Variants in ITPR1 observed in about 807,000 individuals in gnomAD.
The protein encoded by ITPR1 is inositol 1,4,5-trisphosphate-gated calcium channel ITPR1.
In ITPR1, 96 loss-of-function variants were observed where a neutral mutation model predicts 318.4. That is an observed-to-expected ratio of 0.30 (90% CI 0.26 to 0.36). The LOEUF (loss-of-function observed/expected upper bound fraction) is 0.36, where lower values mean the gene tolerates loss of function less well. Ranked by LOEUF, ITPR1 falls within the 10% of genes least tolerant of loss-of-function variation. ITPR1 has a pLI of 1.00. For missense variants in ITPR1, 2,440 were observed against 3,460.2 expected (o/e 0.71, Z 7.40); for synonymous variants, 1,312 against 1,289.9 (o/e 1.02, Z -0.37).
At chr3:4,843,069 G>C (rs1444619973) in intron 61 of ITPR1, among the ~76,000 whole-genome samples, 1 of 138,504 alleles carries the variant, frequency 7.2e-6, no homozygotes, top group Non-Finnish European at 1.5e-5. Flanking sequence ...TCAGGGTTTT[G>C]AGGGGTTTTT....
At chr3:4,651,809 G>T (rs149347290) in intron 10 of ITPR1, among the ~76,000 whole-genome samples, 2,711 of 152,306 alleles carry the variant, frequency 0.018, 28 homozygotes, top group Middle Eastern at 0.041. Flanking sequence ...CTTTTTATTG[G>T]CTGTGCTTTT....
chr3:4,649,868 GTTC>G (rs2093554665), intron 10 of ITPR1, among the ~76,000 whole-genome samples: 1 of 152,146 alleles, frequency 6.6e-6, no homozygotes, highest in Non-Finnish European at 1.5e-5. Flanking sequence ...TAAGGGCAGT[GTTC>G]TTATTCATCA....
At chr3:4,627,725 C>G (rs1295110565) in intron 4 of ITPR1, 38 bp from the exon 5 acceptor site, 3 of 1,313,106 alleles carry the variant, frequency 2.3e-6, no homozygotes, top group Non-Finnish European at 3.3e-6. Context: ...CTCTATACAC[C>G]CTCAATGGCA....
chr3:4,711,625 A>G (rs1178962039), intron 38 of ITPR1, 132 bp from the exon 39 acceptor site: 1 of 635,902 alleles, frequency 1.6e-6, no homozygotes, highest in Admixed American at 2.6e-5. Context: ...GAATGCCCTG[A>G]AGTATCTTTA....
At chr3:4,604,377 A>G (rs2091536921) in intron 4 of ITPR1, among the ~76,000 whole-genome samples, 1 of 152,118 alleles carries the variant, frequency 6.6e-6, no homozygotes, top group Non-Finnish European at 1.5e-5. Context: ...CAAGATGTAA[A>G]GCATGTCCCA....
Position 4,812,967 on chromosome 3 carries a change from C to T in ITPR1, c.7469-175C>T, listed in dbSNP as rs1481413681. 8.2e-6 allele frequency: 5 copies of T among 611,364 alleles called. No homozygotes were observed. In the African/African-American group the frequency reaches 9.2e-5, roughly 11 times the overall value. The allele number at this position is 611,364 out of a possible 1,614,324, so 37.9% of individuals were successfully genotyped here. A position where few individuals can be genotyped will look rare whatever the true frequency, so the allele number is the denominator to read the frequency against. ...GGAATTGACATTTTTGGCTTTTTTCCCATCCAGATCACCAAATGAAAGTGT... is the reference window on the plus strand; with the variant it reads ...GGAATTGACATTTTTGGCTTTTTTCTCATCCAGATCACCAAATGAAAGTGT... On this transcript the variant is annotated intron_variant, in intron 56 of 61. Transcript: ENST00000649015.
intron 51 of ITPR1, among the ~76,000 whole-genome samples, chr3:4,785,707 C>G (rs978793492): frequency 6.6e-6 from 1 of 152,176 alleles, no homozygotes. Context: ...TCTCATTGAG[C>G]TCCTTGACTC....
Position 4,831,129 on chromosome 3 carries a change from T to TCACACACACACACACA in ITPR1, c.8029-5644_8029-5643insACACACACACACACAC, listed in dbSNP as rs879055532. 7.7e-4 allele frequency: 252 copies of TCACACACACACACACA among 326,324 alleles called. 3 individuals carry two copies. The highest frequency in any genetic ancestry group is 5.2e-3 in the African/African-American group (199 of 38,240). The allele number at this position is 326,324 out of a possible 1,614,324, so 20.2% of individuals were successfully genotyped here. A position where few individuals can be genotyped will look rare whatever the true frequency, so the allele number is the denominator to read the frequency against. ...TTGTCTCTCTCTCTCTCTCTCTCTC[T>TCACACACACACACACA]CTCACACACACACACACACACACAC... On this transcript the variant is annotated intron_variant, in intron 60 of 61. Coordinates refer to ENST00000649015, the MANE Select transcript of ITPR1 (RefSeq NM_001378452.1).
chr3:4,601,431 A>G (rs1207317373), intron 4 of ITPR1, among the ~76,000 whole-genome samples: 1 of 151,682 alleles, frequency 6.6e-6, no homozygotes, highest in East Asian at 1.9e-4. Context: ...AGGTGGGAGG[A>G]TCACCTGAGC....
chr3:4,696,042 G>C (rs115590126), intron 33 of ITPR1, among the ~76,000 whole-genome samples: 1 of 152,140 alleles, frequency 6.6e-6, no homozygotes, highest in Non-Finnish European at 1.5e-5. Flanking sequence ...GCTATCATCA[G>C]ATCCTTTATT....
chr3:4,537,132 T>C (rs756961272), intron 4 of ITPR1, among the ~76,000 whole-genome samples: 1 of 152,138 alleles, frequency 6.6e-6, no homozygotes, highest in African/African-American at 2.4e-5. Context: ...GGTTTTGATA[T>C]CAAGGTTATA....
At chr3:4,624,574 G>A (rs2092757153) in intron 4 of ITPR1, among the ~76,000 whole-genome samples, 1 of 150,016 alleles carries the variant, frequency 6.7e-6, no homozygotes, top group Admixed American at 6.7e-5. Flanking sequence ...GGAGGCTAAG[G>A]CAGAAGAATC....
chr3:4,746,153 G>A (rs1464244233), intron 44 of ITPR1, among the ~76,000 whole-genome samples: 3 of 152,212 alleles, frequency 2.0e-5, no homozygotes, highest in Non-Finnish European at 4.4e-5. Context: ...GCACCTGTCA[G>A]CCTTTTTGCC....
chr3:4,658,056 T>C, intron 12 of ITPR1, 68 bp from the exon 13 acceptor site: 1 of 1,425,720 alleles, frequency 7.0e-7, no homozygotes, highest in East Asian at 2.3e-5. Context: ...CTGTGGATTG[T>C]GGAATAATTG....
intron 3 of ITPR1, among the ~76,000 whole-genome samples, chr3:4,518,518 G>T (rs1270119869): frequency 6.6e-6 from 1 of 152,160 alleles, no homozygotes; most frequent in Non-Finnish European, 1.5e-5. Flanking sequence ...AATGGGGTTG[G>T]AAAGAAAGTT....
intron 44 of ITPR1, among the ~76,000 whole-genome samples, chr3:4,738,175 A>G (rs2043418077): frequency 6.6e-6 from 1 of 152,164 alleles, no homozygotes; most frequent in Admixed American, 6.5e-5. Flanking sequence ...AAGCTTACCT[A>G]TGTAACCTGC....
At chr3:4,633,649 A>G (rs1159335901) in intron 5 of ITPR1, among the ~76,000 whole-genome samples, 4 of 152,216 alleles carry the variant, frequency 2.6e-5, no homozygotes, top group African/African-American at 9.6e-5. Context: ...TCTCTTGGTC[A>G]TGTTTTCCTA....
chr3:4,589,391 C>A (rs143828072), intron 4 of ITPR1, among the ~76,000 whole-genome samples: 1 of 152,238 alleles, frequency 6.6e-6, no homozygotes, highest in East Asian at 1.9e-4. Context: ...TGGATCCTTG[C>A]TATTTAAGGT....
chr3:4,765,407 C>T (rs1262218083), intron 44 of ITPR1, among the ~76,000 whole-genome samples: 7 of 152,276 alleles, frequency 4.6e-5, no homozygotes, highest in African/African-American at 1.7e-4. Flanking sequence ...CTGGAGGAGT[C>T]AGAGTAGCTG....
Sources: allele counts gnomAD v4.1 joint callset (sites outside exome capture counted in the v4.1 genomes callset), GRCh38; gene constraint gnomAD v4.1.1; transcripts MANE v1.5; gene names NCBI Gene and HGNC (gene_info 2026-07-23, HGNC 2026-07-21).